RMDN3: variants seen among roughly 807,000 people sequenced by gnomAD.
RMDN3 encodes regulator of microtubule dynamics 3, also known as regulator of microtubule dynamics protein 3.
RMDN3 carries 41 observed loss-of-function variants against 61.8 expected under a neutral mutation model. The observed-to-expected ratio is 0.66, with a 90% CI of 0.52 to 0.86. The LOEUF is 0.86. Ranked by LOEUF, RMDN3 falls within the 40% of genes least tolerant of loss-of-function variation. RMDN3 has a pLI of 0.00. For missense variants in RMDN3, 557 were observed against 585.3 expected (o/e 0.95, Z 0.50); for synonymous variants, 247 against 232.0 (o/e 1.06, Z -0.59).
chr15:40,750,210 GTTTTTTTTTTTT>G (rs10586666), intron 4 of RMDN3, among the ~76,000 whole-genome samples: 18 of 89,702 alleles, frequency 2.0e-4, no homozygotes, highest in Middle Eastern at 7.5e-3. Flanking sequence ...TGCCCAGCTC[GTTTTTTTTTTTT>G]TTTTTTTTTT....
chr15:40,745,852 G>A (rs1897519262), intron 4 of RMDN3, among the ~76,000 whole-genome samples: 1 of 152,112 alleles, frequency 6.6e-6, no homozygotes, highest in South Asian at 2.1e-4. Context: ...GCAGCCTCAG[G>A]CCATGGGCAG....
chr15:40,754,220 T>C (rs532267091), intron 2 of RMDN3, among the ~76,000 whole-genome samples: 5 of 146,074 alleles, frequency 3.4e-5, no homozygotes, highest in Admixed American at 1.4e-4. Context: ...GGCCTCCGCC[T>C]ACCAGGTTCA....
intron 4 of RMDN3, among the ~76,000 whole-genome samples, chr15:40,749,972 G>T (rs1897742551): frequency 1.3e-5 from 2 of 152,236 alleles, no homozygotes; most frequent in South Asian, 4.1e-4. Flanking sequence ...ATCCAGCGTT[G>T]GTGATAATGA....
chr15:40,745,994 C>A (rs1279013385), intron 4 of RMDN3, among the ~76,000 whole-genome samples: 1 of 152,116 alleles, frequency 6.6e-6, no homozygotes, highest in Non-Finnish European at 1.5e-5. Context: ...CACTTTGCAG[C>A]CAGAAGCAAG....
At chr15:40,753,685 C>T (rs903792670) in intron 2 of RMDN3, among the ~76,000 whole-genome samples, 1 of 152,218 alleles carries the variant, frequency 6.6e-6, no homozygotes, top group East Asian at 1.9e-4. Flanking sequence ...GCTTCAATTG[C>T]ATTAAGCGTG....
At chr15:40,753,482 C>T (rs1897909036) in intron 2 of RMDN3, among the ~76,000 whole-genome samples, 1 of 151,822 alleles carries the variant, frequency 6.6e-6, no homozygotes, top group African/African-American at 2.4e-5. Context: ...CACTGCACTC[C>T]AGCCTGGGCA....
At chr15:40,737,603 T>G (rs780643768) in intron 10 of RMDN3, 25 bp downstream of exon 10, 2 of 1,593,286 alleles carry the variant, frequency 1.3e-6, no homozygotes, top group Non-Finnish European at 1.7e-6. Context: ...CTGGTGTTTT[T>G]GCCTGCCACC....
At chr15:40,750,888 T>TA (rs1197445968) in intron 4 of RMDN3, among the ~76,000 whole-genome samples, 9 of 152,268 alleles carry the variant, frequency 5.9e-5, no homozygotes, top group Admixed American at 6.5e-5. Flanking sequence ...AAAACACCCT[T>TA]AGCATGACCA....
In RMDN3 at chr15:40,738,526, C is replaced by T. The variant is rs772297262; in HGVS notation, c.1022G>A (p.Arg341His). The T allele has an allele frequency of 1.6e-5, 26 of 1,613,950 alleles. No homozygotes were observed. Among genetic ancestry groups the T allele is most frequent in the Middle Eastern group, 3.3e-4 (2 of 6,084 alleles). Reference sequence around the variant, plus strand: ...CTTGAAGCTAAAGCCACTCTGGATGCGCCTCTGGATGCTCTCATGCTCAGC... The same window carrying T: ...CTTGAAGCTAAAGCCACTCTGGATGTGCCTCTGGATGCTCTCATGCTCAGC... The part of the protein sequence containing the change: ...QLAEHESIQR[R>H]IQSGFSFKEH... The change falls in exon 8 of 13, where the codon CGC (arginine) becomes CAC (histidine). Residue 341 changes from arginine (R) to histidine (H), a missense_variant. Physicochemically the swap from Arg to His is conservative, Grantham distance 29. Coordinates refer to ENST00000338376, the MANE Select transcript of RMDN3 (RefSeq NM_018145.3).
chr15:40,751,606 G>T (rs751779844), intron 3 of RMDN3, 37 bp from the exon 4 acceptor site: 2 of 1,613,466 alleles, frequency 1.2e-6, no homozygotes, highest in African/African-American at 1.3e-5. Context: ...GTACCATTAG[G>T]TCCCATCCAG....
At chr15:40,752,214 A>T (rs745856635) in intron 2 of RMDN3, 36 bp from the exon 3 acceptor site, 2 of 1,592,584 alleles carry the variant, frequency 1.3e-6, no homozygotes, top group Non-Finnish European at 1.7e-6. Context: ...AGTGACACAC[A>T]GGAATATGGT....
rs929888158 is a variant in RMDN3, at chr15:40,736,445, G to A, written c.*96C>T. 2 of 1,072,504 alleles carry A rather than the reference G, an allele frequency of 1.9e-6. No homozygotes were observed. Among genetic ancestry groups the A allele is most frequent in the Middle Eastern group, 2.4e-4 (1 of 4,210 alleles). 66.4% of individuals were successfully genotyped at this position (1,072,504 alleles called of 1,614,324 possible). A position where few individuals can be genotyped will look rare whatever the true frequency, so the allele number is the denominator to read the frequency against. ...AGTCAGACCCAGGAGACAGATTTGT[G>A]TGGTTTCCTGATCTCAGCAAGGTCT... On this transcript the variant is annotated 3_prime_UTR_variant, in exon 13 of 13. Coordinates refer to ENST00000338376, the MANE Select transcript of RMDN3 (RefSeq NM_018145.3).
intron 2 of RMDN3, among the ~76,000 whole-genome samples, chr15:40,754,318 T>A (rs1004455592): frequency 1.3e-5 from 2 of 152,090 alleles, no homozygotes; most frequent in African/African-American, 4.8e-5. Flanking sequence ...TTAGTAGAGA[T>A]GGGGTTTCAC....
chr15:40,737,623 C>T lies in RMDN3; in HGVS notation c.1224+5G>A. 5 of 1,612,528 alleles carry T rather than the reference C, an allele frequency of 3.1e-6. No homozygotes were observed. The highest frequency in any genetic ancestry group is 1.1e-5 in the South Asian group (1 of 91,024). ...GTTTTTGCCTGCCACCTGCCCCTCT[C>T]ATACCTTTAGGAAGCTCTGGAGGGC... On this transcript the variant is annotated splice_donor_5th_base_variant and intron_variant, in intron 10 of 12. Transcript: ENST00000338376.
At chr15:40,740,368 G>C (rs1897232385) in intron 6 of RMDN3, among the ~76,000 whole-genome samples, 175 bp from the exon 7 acceptor site, 1 of 152,250 alleles carries the variant, frequency 6.6e-6, no homozygotes, top group South Asian at 2.1e-4. Context: ...CAGTCACAGT[G>C]GCTCACGCCT....
intron 4 of RMDN3, 46 bp downstream of exon 4, chr15:40,751,378 AAC>A (rs1897811944): frequency 6.3e-7 from 1 of 1,592,940 alleles, no homozygotes; most frequent in African/African-American, 1.4e-5. Context: ...ACTTTTACAA[AAC>A]ACAACCTGGC....
chr15:40,754,127 CTTTTTT>C (rs71428308), intron 2 of RMDN3, among the ~76,000 whole-genome samples: 3,677 of 123,810 alleles, frequency 0.03, 164 homozygotes, highest in African/African-American at 0.11. Context: ...ACCACGACTG[CTTTTTT>C]TTTTTTTTTT....
chr15:40,754,124 CTGCTTTTT>C (rs1430833606), intron 2 of RMDN3, among the ~76,000 whole-genome samples: 15 of 111,778 alleles, frequency 1.3e-4, no homozygotes, highest in African/African-American at 2.3e-4. Context: ...AAAACCACGA[CTGCTTTTT>C]TTTTTTTTTT....
chr15:40,735,938 A>C lies in RMDN3; in HGVS notation c.*603T>G, dbSNP rs1014120027. ...TTTGTAACAAAATATATTCTAGGCAACTTTTCAGACATTGTTTTATAGCAT... is the reference window on the plus strand; with the variant it reads ...TTTGTAACAAAATATATTCTAGGCACCTTTTCAGACATTGTTTTATAGCAT... On this transcript the variant is annotated 3_prime_UTR_variant, in exon 13 of 13. Coordinates refer to ENST00000338376, the MANE Select transcript of RMDN3 (RefSeq NM_018145.3). 2.6e-5 allele frequency: 4 copies of C among 152,212 alleles called. No homozygotes were observed. The highest frequency in any genetic ancestry group is 4.4e-5 in the Non-Finnish European group (3 of 68,038). 9.4% of individuals were successfully genotyped at this position (152,212 alleles called of 1,614,324 possible).
Sources: gnomAD v4.1 joint callset for allele counts (sites outside exome capture counted in the v4.1 genomes callset) on GRCh38, gnomAD v4.1.1 for gene constraint, MANE v1.5 for transcripts, NCBI Gene and HGNC (gene_info 2026-07-23, HGNC 2026-07-21) for gene names.